The following SNU13 variants were observed in gnomAD, a reference collection of about 807,000 sequenced individuals.
The protein encoded by SNU13 is NHP2-like protein 1.
A neutral mutation model predicts 12.4 loss-of-function variants in SNU13; 2 were observed. The observed-to-expected ratio is 0.16, with a 90% confidence interval of 0.07 to 0.51. The LOEUF is 0.51. Among genes scored for constraint, SNU13 ranks in the 20% least tolerant of loss-of-function variants. The probability of loss-of-function intolerance (pLI) is 0.96; values close to 1 mark genes in which losing one functional copy is unlikely to be tolerated. For synonymous variants in SNU13, 68 were observed against 66.5 expected, an observed-to-expected ratio of 1.02 and a Z score of -0.11; for missense variants, 66 against 157.8, an observed-to-expected ratio of 0.42 and a Z score of 3.12.
In SNU13 at chr22:41,680,376, A is replaced by G. The variant is rs2068252336; in HGVS notation, c.4-12T>C. ...ACATCAGCCTCAGTCTATGGGGGGGACATAAAAATATCAGACAAATTGAGC... is the reference window on the plus strand; with the variant it reads ...ACATCAGCCTCAGTCTATGGGGGGGGCATAAAAATATCAGACAAATTGAGC... On this transcript the variant is annotated splice_polypyrimidine_tract_variant and intron_variant, in intron 1 of 2. Coordinates refer to ENST00000401959, the MANE Select transcript of SNU13 (RefSeq NM_001003796.2). 6 of 1,599,736 alleles carry G rather than the reference A, an allele frequency of 3.8e-6. No homozygotes were observed. The Middle Eastern group carries it at 5.0e-4, about 133-fold the overall frequency.
chr22:41,674,778 C>T lies in SNU13; in HGVS notation c.*155G>A. On this transcript the variant is annotated 3_prime_UTR_variant, in exon 3 of 3. Transcript: ENST00000401959. ...GAAGGGGGATAGCAACCCTGTAAAA[C>T]AGAACAAAAACAACACAAAAATCCA... is the stretch of plus-strand genomic sequence containing the variant. 2 of 1,063,968 alleles carry T rather than the reference C, an allele frequency of 1.9e-6. No homozygotes were observed. The highest frequency in any genetic ancestry group is 2.7e-6 in the Non-Finnish European group (2 of 749,790). 65.9% of individuals were successfully genotyped at this position (1,063,968 alleles called of 1,614,324 possible). A position where few individuals can be genotyped will look rare whatever the true frequency, so the allele number is the denominator to read the frequency against.
intron 1 of SNU13, among the ~76,000 whole-genome samples, chr22:41,682,006 T>C (rs2068267889): frequency 6.6e-6 from 1 of 152,204 alleles, no homozygotes; most frequent in African/African-American, 2.4e-5. Flanking sequence ...TTTTTTGTTT[T>C]TACAAACACA....
chr22:41,684,497 G>A (rs1016655676), intron 1 of SNU13, among the ~76,000 whole-genome samples: 1 of 151,622 alleles, frequency 6.6e-6, no homozygotes, highest in African/African-American at 2.4e-5. Flanking sequence ...CTTATGCTCT[G>A]GTATGTGGTA....
intron 1 of SNU13, among the ~76,000 whole-genome samples, chr22:41,686,366 G>A (rs1472585452): frequency 2.1e-5 from 3 of 144,944 alleles, no homozygotes; most frequent in African/African-American, 5.2e-5. Context: ...GTGCAGTGGC[G>A]CAATCTCGGC....
chr22:41,680,281 T>A lies in SNU13; in HGVS notation c.87A>T (p.Ser29=). ...TKKLLDLVQQ[S]CNYKQLRKGA... ...CTTTCCGAAGCTGCTTATAGTTACA[T>A]GACTGCTGAACGAGGTCCAGTAGCT... Residue 29 remains serine (S), a synonymous_variant, in exon 2 of 3, where the codon TCA becomes TCT. Transcript: ENST00000401959. The A allele has an allele frequency of 6.2e-7, 1 of 1,613,976 alleles. No homozygotes were observed. The highest frequency in any genetic ancestry group is 1.1e-5 in the South Asian group (1 of 91,064).
In SNU13 at chr22:41,680,373, G is replaced by A; in HGVS notation, c.4-9C>T. 6.2e-7 allele frequency: 1 copy of A among 1,602,916 alleles called. No homozygotes were observed. The highest frequency in any genetic ancestry group is 8.5e-7 in the Non-Finnish European group (1 of 1,175,012). On this transcript the variant is annotated splice_polypyrimidine_tract_variant and intron_variant, in intron 1 of 2. Coordinates refer to ENST00000401959, the MANE Select transcript of SNU13 (RefSeq NM_001003796.2). ...TTCACATCAGCCTCAGTCTATGGGG[G>A]GGACATAAAAATATCAGACAAATTG...
intron 1 of SNU13, among the ~76,000 whole-genome samples, chr22:41,685,101 G>A (rs987979272): frequency 1.4e-5 from 2 of 146,506 alleles, no homozygotes; most frequent in African/African-American, 5.1e-5. Flanking sequence ...ATTGCAGTAG[G>A]TTGAGATGAT....
upstream of SNU13, among the ~76,000 whole-genome samples, chr22:41,689,847 G>A (rs1317197394): frequency 2.0e-5 from 3 of 151,886 alleles, no homozygotes; most frequent in African/African-American, 4.8e-5. Context: ...GCGTGGTGGC[G>A]CATGCCTGTA....
intron 2 of SNU13, among the ~76,000 whole-genome samples, chr22:41,678,044 C>T (rs142438739): frequency 0.012 from 1,782 of 150,764 alleles, 42 homozygotes; most frequent in African/African-American, 0.041. Flanking sequence ...GGTGAGATCT[C>T]GGCTCACTGC....
At chr22:41,684,370 T>G (rs2068292779) in intron 1 of SNU13, among the ~76,000 whole-genome samples, 1 of 152,216 alleles carries the variant, frequency 6.6e-6, no homozygotes, top group South Asian at 2.1e-4. Context: ...GGTTATTTTG[T>G]GCTAGTGTTT....
intron 2 of SNU13, among the ~76,000 whole-genome samples, chr22:41,679,453 G>T (rs2068243091): frequency 6.6e-6 from 1 of 152,084 alleles, no homozygotes; most frequent in Admixed American, 6.6e-5. Flanking sequence ...CTACTTGGGA[G>T]GTTGAGGCAG....
chr22:41,674,931 G>A lies in SNU13; in HGVS notation c.*2C>T. The A allele has an allele frequency of 1.2e-6, 2 of 1,612,752 alleles. No individual in the cohort carries two copies. Among genetic ancestry groups the A allele is most frequent in the Non-Finnish European group, 1.7e-6 (2 of 1,179,472 alleles). Reference sequence around the variant, plus strand: ...AGGGAGCACGTGGCAGAGGCCACAGGTTTAGACTAAGAGCCTTTCAATGGA... The same window carrying A: ...AGGGAGCACGTGGCAGAGGCCACAGATTTAGACTAAGAGCCTTTCAATGGA... On this transcript the variant is annotated 3_prime_UTR_variant, in exon 3 of 3. Coordinates refer to ENST00000401959, the MANE Select transcript of SNU13 (RefSeq NM_001003796.2).
intron 1 of SNU13, among the ~76,000 whole-genome samples, chr22:41,685,330 C>T (rs954887879): frequency 6.6e-6 from 1 of 151,890 alleles, no homozygotes; most frequent in Non-Finnish European, 1.5e-5. Flanking sequence ...TGTGGGCCAC[C>T]ACTCCTGGCT....
chr22:41,682,484 CT>C, intron 1 of SNU13: 2 of 1,579,164 alleles, frequency 1.3e-6, no homozygotes, highest in East Asian at 4.6e-5. Flanking sequence ...AGTGACGCCA[CT>C]GCCGCCAGCG....
At chr22:41,675,846 G>A (rs973086682) in intron 2 of SNU13, among the ~76,000 whole-genome samples, 2 of 150,552 alleles carry the variant, frequency 1.3e-5, no homozygotes, top group African/African-American at 2.5e-5. Flanking sequence ...TGCCTCCCAG[G>A]TTCAAGTGAT....
upstream of SNU13, chr22:41,688,976 CTG>C (rs970689939): frequency 7.4e-7 from 1 of 1,346,470 alleles, no homozygotes. Flanking sequence ...GGCGCGGAAA[CTG>C]GCCCTGTGTC....
chr22:41,687,661 T>G (rs1569112054), intron 1 of SNU13: 1 of 152,232 alleles, frequency 6.6e-6, no homozygotes, highest in Non-Finnish European at 1.5e-5. Flanking sequence ...TTGGTTTCGC[T>G]GTACACCAGA....
At chr22:41,685,736 C>G (rs2068305334) in intron 1 of SNU13, among the ~76,000 whole-genome samples, 1 of 151,616 alleles carries the variant, frequency 6.6e-6, no homozygotes, top group Non-Finnish European at 1.5e-5. Context: ...GAGGCTGAGG[C>G]AGGCAGATCA....
intron 1 of SNU13, among the ~76,000 whole-genome samples, chr22:41,685,060 C>T (rs1245010855): frequency 1.4e-5 from 2 of 147,018 alleles, no homozygotes; most frequent in Non-Finnish European, 3.0e-5. Context: ...GAGGTTGAGG[C>T]AGGAGAATGG....
Sources: allele counts gnomAD v4.1 joint callset (sites outside exome capture counted in the v4.1 genomes callset), GRCh38; gene constraint gnomAD v4.1.1; transcripts MANE v1.5; gene names NCBI Gene and HGNC (gene_info 2026-07-23, HGNC 2026-07-21).